ITGA9: variants seen among roughly 807,000 people sequenced by gnomAD.
The protein encoded by ITGA9 is integrin alpha-9.
In ITGA9, 56 loss-of-function variants were observed where a neutral mutation model predicts 127.8. The ratio of observed to expected loss-of-function variants is 0.44; its 90% CI spans 0.35 to 0.55. The LOEUF is 0.55. ITGA9 is among the 20% of genes least tolerant of loss of function. ITGA9 has a pLI of 0.00. For missense variants in ITGA9, 1,196 were observed against 1,347.1 expected (o/e 0.89, Z 1.76); for synonymous variants, 508 against 514.5 (o/e 0.99, Z 0.17).
At chr3:37,585,800 C>CCCCA (rs1388330064) in intron 15 of ITGA9, among the ~76,000 whole-genome samples, 80 of 151,966 alleles carry the variant, frequency 5.3e-4, no homozygotes, top group Non-Finnish European at 1.0e-3. Flanking sequence ...AAGGGGGCCC[C>CCCCA]CCCAATTTTA....
At chr3:37,576,004 TC>T (rs1699650751) in intron 15 of ITGA9, among the ~76,000 whole-genome samples, 1 of 152,220 alleles carries the variant, frequency 6.6e-6, no homozygotes. Flanking sequence ...CTGATGATTC[TC>T]AGAAGAAGCC....
intron 21 of ITGA9, among the ~76,000 whole-genome samples, chr3:37,742,037 G>A (rs552211006): frequency 6.6e-6 from 1 of 152,318 alleles, no homozygotes; most frequent in Admixed American, 6.5e-5. Context: ...CCACCTGGTA[G>A]ATAATCTGAG....
chr3:37,458,481 C>T lies in ITGA9; in HGVS notation c.185+5922C>T, dbSNP rs79600701. On this transcript the variant is annotated intron_variant, in intron 1 of 27. Coordinates refer to ENST00000264741, the MANE Select transcript of ITGA9 (RefSeq NM_002207.3). ...AGATCACTGGGCAGAAATAGCTGTC[C>T]TCTGCCAGGGTCAGGTATTGGCTGG... Among the ~76,000 whole-genome samples the T allele has an allele frequency of 7.0e-3, 1,062 of 152,332 alleles. 19 individuals are homozygous for T. The highest frequency in any genetic ancestry group is 0.043 in the East Asian group (224 of 5,176).
chr3:37,725,429 ACACC>A (rs1696175792), intron 18 of ITGA9, among the ~76,000 whole-genome samples: 2 of 152,174 alleles, frequency 1.3e-5, no homozygotes, highest in Non-Finnish European at 2.9e-5. Context: ...CCTTTTCCCC[ACACC>A]TGTGTGTATT....
At chr3:37,518,932 G>A (rs545485206) in intron 10 of ITGA9, among the ~76,000 whole-genome samples, 4 of 151,720 alleles carry the variant, frequency 2.6e-5, no homozygotes, top group East Asian at 1.9e-4. Context: ...CAACAGGTGC[G>A]TGCCACCACA....
chr3:37,658,825 G>T (rs1233401380), intron 17 of ITGA9, among the ~76,000 whole-genome samples: 1 of 152,176 alleles, frequency 6.6e-6, no homozygotes, highest in Non-Finnish European at 1.5e-5. Context: ...GGCTGGTACT[G>T]GTTTTTCCTT....
Position 37,784,923 on chromosome 3 carries a change from C to T in ITGA9, c.2788-54C>T. 2.1e-6 allele frequency: 3 copies of T among 1,458,640 alleles called. No homozygotes were observed. In the South Asian group the frequency reaches 3.4e-5, roughly 17 times the overall value. The allele number at this position is 1,458,640 out of a possible 1,614,324, so 90.4% of individuals were successfully genotyped here. A position where few individuals can be genotyped will look rare whatever the true frequency, so the allele number is the denominator to read the frequency against. ...CAGTTCTGCCCAGTCCCTCTCAAGG[C>T]CCAGCCATTATCATAGAAAAATCTT... On this transcript the variant is annotated intron_variant, in intron 25 of 27. Transcript: ENST00000264741.
intron 4 of ITGA9, among the ~76,000 whole-genome samples, chr3:37,490,540 A>C (rs953440392): frequency 6.6e-6 from 1 of 152,226 alleles, no homozygotes; most frequent in Non-Finnish European, 1.5e-5. Flanking sequence ...GGAGATTATT[A>C]GGAAGAATAT....
intron 18 of ITGA9, among the ~76,000 whole-genome samples, chr3:37,715,750 C>T (rs1701128538): frequency 6.6e-6 from 1 of 152,148 alleles, no homozygotes; most frequent in South Asian, 2.1e-4. Context: ...ACGAGAGATT[C>T]CCAGGACCTG....
chr3:37,698,743 A>G (rs1401803031), intron 18 of ITGA9, among the ~76,000 whole-genome samples: 2 of 152,156 alleles, frequency 1.3e-5, no homozygotes, highest in Non-Finnish European at 2.9e-5. Flanking sequence ...GCTTTATTAG[A>G]AACTGCCAAA....
chr3:37,681,099 T>C (rs1254864645), intron 17 of ITGA9, among the ~76,000 whole-genome samples: 2 of 152,230 alleles, frequency 1.3e-5, no homozygotes, highest in Non-Finnish European at 2.9e-5. Flanking sequence ...GAAATTAGTA[T>C]TTCAAAGTAT....
chr3:37,549,396 G>T (rs986378756), intron 15 of ITGA9, among the ~76,000 whole-genome samples: 2 of 152,328 alleles, frequency 1.3e-5, no homozygotes, highest in South Asian at 4.1e-4. Context: ...ATTTAAATAT[G>T]TAAGTATGGT....
chr3:37,581,416 G>A (rs1235334261), intron 15 of ITGA9, among the ~76,000 whole-genome samples: 1 of 152,210 alleles, frequency 6.6e-6, no homozygotes, highest in Non-Finnish European at 1.5e-5. Flanking sequence ...TGACAGTGTA[G>A]CCCAGGACTG....
At chr3:37,743,880 C>A in intron 21 of ITGA9, 46 bp from the exon 22 acceptor site, 1 of 1,308,942 alleles carries the variant, frequency 7.6e-7, no homozygotes, top group Non-Finnish European at 1.1e-6. Flanking sequence ...ACCATGGGTG[C>A]TTGACTGTGG....
intron 23 of ITGA9, among the ~76,000 whole-genome samples, chr3:37,764,107 C>T (rs779617225): frequency 4.3e-4 from 66 of 152,252 alleles, no homozygotes; most frequent in Middle Eastern, 3.4e-3. Flanking sequence ...TTCTCCATGC[C>T]CCATGACCCT....
intron 26 of ITGA9, among the ~76,000 whole-genome samples, chr3:37,802,384 C>T (rs1182646084): frequency 6.6e-6 from 1 of 152,158 alleles, no homozygotes; most frequent in Non-Finnish European, 1.5e-5. Context: ...CAGTGGGCTT[C>T]AGCGATCAGT....
chr3:37,612,872 C>T (rs1162386215), intron 15 of ITGA9, among the ~76,000 whole-genome samples: 13 of 151,984 alleles, frequency 8.6e-5, no homozygotes, highest in Non-Finnish European at 1.9e-4. Flanking sequence ...TTGTGAGTGG[C>T]TCTAAAAATG....
chr3:37,586,729 C>T lies in ITGA9; in HGVS notation c.1690-42458C>T, dbSNP rs1233749694. On this transcript the variant is annotated intron_variant, in intron 15 of 27. Coordinates refer to ENST00000264741, the MANE Select transcript of ITGA9 (RefSeq NM_002207.3). ...ATTTTAATTAGAGTTGCTGGGCAGC[C>T]TGGGCTGCCTTTTAACTTACGGGTC... Among the ~76,000 whole-genome samples the T allele has an allele frequency of 4.6e-5, 7 of 152,304 alleles. No individual in the cohort carries two copies. In the South Asian group the frequency reaches 1.0e-3, roughly 23 times the overall value.
chr3:37,692,412 A>AGT (rs59928496), intron 18 of ITGA9, among the ~76,000 whole-genome samples: 12,007 of 145,958 alleles, frequency 0.082, 646 homozygotes, highest in East Asian at 0.17. Flanking sequence ...AGAGAGAGAG[A>AGT]GTGTGTGTGT....
Sources: gnomAD v4.1 joint callset for allele counts (sites outside exome capture counted in the v4.1 genomes callset) on GRCh38, gnomAD v4.1.1 for gene constraint, MANE v1.5 for transcripts, NCBI Gene and HGNC (gene_info 2026-07-23, HGNC 2026-07-21) for gene names.